The following CAND1 variants were observed in gnomAD, a reference collection of about 807,000 sequenced individuals.
The protein encoded by CAND1 is cullin associated and neddylation dissociated 1, also known as cullin-associated NEDD8-dissociated protein 1.
A neutral mutation model predicts 108.5 loss-of-function variants in CAND1; 7 were observed. That is an observed-to-expected ratio of 0.06 (90% CI 0.04 to 0.12). CAND1 has a LOEUF of 0.12. Among genes scored for constraint, CAND1 ranks in the 10% least tolerant of loss-of-function variants. The probability of loss-of-function intolerance (pLI) is 1.00; values close to 1 mark genes in which losing one functional copy is unlikely to be tolerated. For synonymous variants in CAND1, 534 were observed against 512.0 expected, an observed-to-expected ratio of 1.04 and a Z score of -0.58; for missense variants, 941 against 1,448.7, an observed-to-expected ratio of 0.65 and a Z score of 5.69.
chr12:67,313,793 T>C lies in CAND1; in HGVS notation c.*963T>C, dbSNP rs967618714. ...TCCGTTTGGATGTCTACATTCCTTA[T>C]CAAAGGATATAAATACTGTGTATGC... On this transcript the variant is annotated 3_prime_UTR_variant, in exon 15 of 15. Coordinates refer to ENST00000545606, the MANE Select transcript of CAND1 (RefSeq NM_018448.5). 2 of 152,630 alleles carry C rather than the reference T, an allele frequency of 1.3e-5. No homozygotes were observed. Among genetic ancestry groups the C allele is most frequent in the Non-Finnish European group, 1.5e-5 (1 of 68,008 alleles). The allele number at this position is 152,630 out of a possible 1,614,324, so 9.5% of individuals were successfully genotyped here.
intron 2 of CAND1, among the ~76,000 whole-genome samples, chr12:67,287,066 A>G (rs921293324): frequency 1.3e-5 from 2 of 152,192 alleles, no homozygotes; most frequent in Non-Finnish European, 2.9e-5. Flanking sequence ...AGGGTTTATC[A>G]GCTTTGGCAT....
chr12:67,289,787 C>G (rs1044092622), intron 2 of CAND1, among the ~76,000 whole-genome samples: 1 of 152,118 alleles, frequency 6.6e-6, no homozygotes, highest in Non-Finnish European at 1.5e-5. Context: ...TCAGTTATCA[C>G]TGTCTTCATT....
At chr12:67,294,973 A>AT in intron 3 of CAND1, 60 bp from the exon 4 acceptor site, 1 of 1,566,004 alleles carries the variant, frequency 6.4e-7, no homozygotes, top group South Asian at 1.2e-5. Flanking sequence ...ACTACCATGA[A>AT]TATAAGAGGG....
chr12:67,291,593 GTT>G (rs1321378077), intron 2 of CAND1, among the ~76,000 whole-genome samples: 1 of 152,016 alleles, frequency 6.6e-6, no homozygotes, highest in Non-Finnish European at 1.5e-5. Flanking sequence ...ATTAATTTAT[GTT>G]TCATATATAT....
intron 6 of CAND1, among the ~76,000 whole-genome samples, chr12:67,298,180 A>G (rs1450938519): frequency 1.3e-5 from 2 of 152,186 alleles, no homozygotes; most frequent in African/African-American, 2.4e-5. Context: ...ATTCGTCAGA[A>G]ATAAGTAGTG....
At chr12:67,311,610 C>A in intron 13 of CAND1, 83 bp from the exon 14 acceptor site, 1 of 558,242 alleles carries the variant, frequency 1.8e-6, no homozygotes, top group Non-Finnish European at 2.9e-6. Flanking sequence ...AGTTATTTTC[C>A]TTTAAAGGAT....
At chr12:67,289,255 G>T (rs1417350235) in intron 2 of CAND1, among the ~76,000 whole-genome samples, 1 of 151,556 alleles carries the variant, frequency 6.6e-6, no homozygotes, top group Non-Finnish European at 1.5e-5. Flanking sequence ...TTTTGCTCTT[G>T]TTGCCTAGGC....
chr12:67,295,630 A>G (rs917964027), intron 4 of CAND1, among the ~76,000 whole-genome samples: 3 of 152,208 alleles, frequency 2.0e-5, no homozygotes, highest in Non-Finnish European at 4.4e-5. Context: ...GTTAGAACAT[A>G]GACAGACCTA....
At chr12:67,273,019 A>T (rs904041269) in intron 1 of CAND1, among the ~76,000 whole-genome samples, 2 of 152,072 alleles carry the variant, frequency 1.3e-5, no homozygotes, top group Admixed American at 6.5e-5. Context: ...TGTTTGTTTT[A>T]AAAAAAGGAG....
chr12:67,309,769 C>A, intron 11 of CAND1, 132 bp from the exon 12 acceptor site: 1 of 610,798 alleles, frequency 1.6e-6, no homozygotes, highest in Non-Finnish European at 2.8e-6. Context: ...TCATCAGGTT[C>A]TTCCCTGACC....
chr12:67,315,446 G>A lies in CAND1; in HGVS notation c.*2616G>A. On this transcript the variant is annotated 3_prime_UTR_variant, in exon 15 of 15. Coordinates refer to ENST00000545606, the MANE Select transcript of CAND1 (RefSeq NM_018448.5). The stretch of plus-strand genomic sequence containing the variant: ...GGCCTGGGCAACAGAGCGAGAGTCT[G>A]TCTCAAAAAAAAAAAAAAAAAAAAG... The A allele has an allele frequency of 9.1e-6, 1 of 109,918 alleles. No homozygotes were observed. The highest frequency in any genetic ancestry group is 5.4e-5 in the African/African-American group (1 of 18,630). 6.8% of individuals were successfully genotyped at this position (109,918 alleles called of 1,614,324 possible). A position where few individuals can be genotyped will look rare whatever the true frequency, so the allele number is the denominator to read the frequency against.
At chr12:67,292,439 C>A (rs766698331) in intron 2 of CAND1, among the ~76,000 whole-genome samples, 183 bp from the exon 3 acceptor site, 1 of 152,142 alleles carries the variant, frequency 6.6e-6, no homozygotes, top group African/African-American at 2.4e-5. Flanking sequence ...AACTTGGAAA[C>A]CAACTGCAAA....
chr12:67,295,538 A>C (rs1038083796), intron 4 of CAND1, among the ~76,000 whole-genome samples: 1 of 152,154 alleles, frequency 6.6e-6, no homozygotes, highest in African/African-American at 2.4e-5. Context: ...CGGTAACCAT[A>C]TTAATAGTGC....
chr12:67,297,676 T>TA lies in CAND1; in HGVS notation c.748+17dup. ...GGTCATAGAATAGGTAAGAAATCTT[T>TA]AAAAGTTTTACAGTTTTCTTTAATT... On this transcript the variant is annotated intron_variant, in intron 5 of 14. Transcript: ENST00000545606. 4 of 1,601,078 alleles carry TA rather than the reference T, an allele frequency of 2.5e-6. No homozygotes were observed. Among genetic ancestry groups the TA allele is most frequent in the Non-Finnish European group, 3.4e-6 (4 of 1,174,836 alleles).
intron 7 of CAND1, 31 bp from the exon 8 acceptor site, chr12:67,302,292 A>G: frequency 6.4e-7 from 1 of 1,570,524 alleles, no homozygotes; most frequent in Non-Finnish European, 8.7e-7. Flanking sequence ...CTTGTCATTA[A>G]TAGCCTGTTT....
intron 4 of CAND1, 157 bp from the exon 5 acceptor site, chr12:67,297,250 G>A: frequency 1.3e-6 from 1 of 744,672 alleles, no homozygotes; most frequent in Non-Finnish European, 2.3e-6. Context: ...TGCATTGGTA[G>A]ATAAAGTGAT....
At chr12:67,302,256 T>C in intron 7 of CAND1, 67 bp from the exon 8 acceptor site, 1 of 1,397,622 alleles carries the variant, frequency 7.2e-7, no homozygotes, top group Non-Finnish European at 9.8e-7. Context: ...TATCAATTGA[T>C]TTTCTGTTTT....
intron 1 of CAND1, among the ~76,000 whole-genome samples, chr12:67,275,168 C>T (rs939436995): frequency 6.6e-6 from 1 of 151,878 alleles, no homozygotes; most frequent in Non-Finnish European, 1.5e-5. Flanking sequence ...GAAGGGACCT[C>T]ACAGAGAAAA....
intron 1 of CAND1, chr12:67,270,780 A>G (rs938945707): frequency 3.3e-5 from 5 of 151,820 alleles, no homozygotes; most frequent in African/African-American, 7.3e-5. Flanking sequence ...AAAAAAAAAA[A>G]AAAAAAGAAA....
Sources: gnomAD v4.1 joint callset for allele counts (sites outside exome capture counted in the v4.1 genomes callset) on GRCh38, gnomAD v4.1.1 for gene constraint, MANE v1.5 for transcripts, NCBI Gene and HGNC (gene_info 2026-07-23, HGNC 2026-07-21) for gene names.